Variants in RGS6 observed in about 807,000 individuals in gnomAD.
RGS6 encodes regulator of G-protein signaling 6.
A neutral mutation model predicts 78.5 loss-of-function variants in RGS6; 30 were observed. The observed-to-expected ratio is 0.38, with a 90% confidence interval of 0.29 to 0.52. RGS6 has a LOEUF of 0.52. Among genes scored for constraint, RGS6 ranks in the 20% least tolerant of loss-of-function variants. RGS6 has a pLI of 0.85. For missense variants in RGS6, 495 were observed against 609.7 expected, an observed-to-expected ratio of 0.81 and a Z score of 1.98; for synonymous variants, 206 against 206.0, an observed-to-expected ratio of 1.00 and a Z score of 0.00.
At chr14:71,971,918 T>A (rs988728855) in intron 2 of RGS6, among the ~76,000 whole-genome samples, 2 of 148,232 alleles carry the variant, frequency 1.3e-5, no homozygotes, top group African/African-American at 5.1e-5. Context: ...TTTTTTTTTT[T>A]TTTTTTTTTT....
chr14:72,488,203 C>G (rs553614905), intron 12 of RGS6, among the ~76,000 whole-genome samples: 1 of 152,206 alleles, frequency 6.6e-6, no homozygotes, highest in African/African-American at 2.4e-5. Context: ...ATTAGTTGCT[C>G]GTAATGACTT....
At chr14:72,203,446 G>C (rs1165828624) in intron 2 of RGS6, among the ~76,000 whole-genome samples, 1 of 152,226 alleles carries the variant, frequency 6.6e-6, no homozygotes, top group Non-Finnish European at 1.5e-5. Context: ...GTGGGTAAAG[G>C]ATCTGGGTTT....
At chr14:72,579,725 A>G in the RGS6 span, among the ~76,000 whole-genome samples, 3 of 152,334 alleles carry the variant, frequency 2.0e-5, no homozygotes, top group African/African-American at 7.2e-5. Flanking sequence ...CCTGATCACA[A>G]GGTAATTCAT....
intron 2 of RGS6, among the ~76,000 whole-genome samples, chr14:71,993,941 C>T (rs964600786): frequency 7.3e-5 from 11 of 151,608 alleles, no homozygotes; most frequent in African/African-American, 2.7e-4. Flanking sequence ...AGTTGGAAGG[C>T]ATCTTAGCCT....
intron 2 of RGS6, among the ~76,000 whole-genome samples, chr14:72,021,072 CTCTT>C (rs1345679720): frequency 6.6e-6 from 1 of 152,190 alleles, no homozygotes; most frequent in Non-Finnish European, 1.5e-5. Flanking sequence ...GTGGAACAAA[CTCTT>C]TCTGTTCTCT....
the RGS6 span, among the ~76,000 whole-genome samples, chr14:71,907,136 G>A: frequency 6.6e-6 from 1 of 152,224 alleles, no homozygotes; most frequent in Non-Finnish European, 1.5e-5. Flanking sequence ...TGATGATGAA[G>A]CAGATGTGGT....
intron 2 of RGS6, among the ~76,000 whole-genome samples, chr14:72,287,195 A>G (rs1389236312): frequency 6.6e-6 from 1 of 152,192 alleles, no homozygotes; most frequent in Non-Finnish European, 1.5e-5. Context: ...TTTATTTATT[A>G]GTTCTAACAG....
At chr14:71,911,430 G>C in the RGS6 span, among the ~76,000 whole-genome samples, 2 of 152,124 alleles carry the variant, frequency 1.3e-5, no homozygotes, top group African/African-American at 4.8e-5. Flanking sequence ...TTTTTCATAG[G>C]GAAAATGAGC....
chr14:72,533,713 C>G (rs766178514), intron 15 of RGS6, among the ~76,000 whole-genome samples: 2 of 152,122 alleles, frequency 1.3e-5, no homozygotes, highest in African/African-American at 2.4e-5. Flanking sequence ...GTTCAAGATC[C>G]TAGTGAAGAA....
chr14:72,598,083 C>G, the RGS6 span, among the ~76,000 whole-genome samples: 11 of 152,252 alleles, frequency 7.2e-5, no homozygotes, highest in Non-Finnish European at 1.5e-4. Context: ...ACCAACGGAG[C>G]TGGAAGGGAC....
intron 3 of RGS6, among the ~76,000 whole-genome samples, chr14:72,363,935 T>C (rs1233750409): frequency 7.7e-6 from 1 of 129,234 alleles, no homozygotes; most frequent in East Asian, 2.2e-4. Flanking sequence ...GAAAAACAAA[T>C]GGATGAGTGG....
intron 2 of RGS6, among the ~76,000 whole-genome samples, chr14:72,292,469 T>G (rs2238202): frequency 0.17 from 26,566 of 152,210 alleles, 2,303 homozygotes; most frequent in Middle Eastern, 0.21. Context: ...CCCATAGACT[T>G]AGAATTACTC....
intron 15 of RGS6, among the ~76,000 whole-genome samples, chr14:72,524,730 C>T (rs1484863219): frequency 6.6e-6 from 1 of 151,404 alleles, no homozygotes; most frequent in East Asian, 1.9e-4. Context: ...GCCCAGATGG[C>T]TTTTTTTTTG....
At chr14:72,394,196 TA>T (rs1229822266) in intron 3 of RGS6, among the ~76,000 whole-genome samples, 1 of 152,074 alleles carries the variant, frequency 6.6e-6, no homozygotes, top group Non-Finnish European at 1.5e-5. Flanking sequence ...GATAAATTTT[TA>T]AAGCTGGGTG....
intron 2 of RGS6, among the ~76,000 whole-genome samples, chr14:72,053,876 G>A (rs2093472865): frequency 6.6e-6 from 1 of 152,146 alleles, no homozygotes; most frequent in African/African-American, 2.4e-5. Flanking sequence ...TTACACTTAT[G>A]TATTCAAATG....
chr14:72,599,224 G>A, the RGS6 span, among the ~76,000 whole-genome samples: 4 of 152,098 alleles, frequency 2.6e-5, no homozygotes, highest in African/African-American at 9.7e-5. Flanking sequence ...CTGCTCTGGT[G>A]GGAACAGCAC....
At chr14:72,476,908 C>T in intron 11 of RGS6, 68 bp downstream of exon 11, 1 of 1,368,868 alleles carries the variant, frequency 7.3e-7, no homozygotes, top group Non-Finnish European at 1.0e-6. Flanking sequence ...TTCAAATGTT[C>T]AACTCTGAAG....
intron 2 of RGS6, among the ~76,000 whole-genome samples, chr14:72,101,927 C>T (rs114762288): frequency 0.017 from 2,566 of 152,298 alleles, 27 homozygotes; most frequent in Middle Eastern, 0.058. Flanking sequence ...TACCTGCCTT[C>T]CACCTGCATC....
chr14:72,520,202 T>C (rs568464812), intron 15 of RGS6, among the ~76,000 whole-genome samples: 41 of 152,228 alleles, frequency 2.7e-4, no homozygotes, highest in Non-Finnish European at 5.3e-4. Flanking sequence ...ATATCCTTTA[T>C]CTCCCTCCCT....
Sources: gnomAD v4.1 joint callset for allele counts (sites outside exome capture counted in the v4.1 genomes callset) on GRCh38, gnomAD v4.1.1 for gene constraint, MANE v1.5 for transcripts, NCBI Gene and HGNC (gene_info 2026-07-23, HGNC 2026-07-21) for gene names.